Variants in CTNNA2 observed in about 807,000 individuals in gnomAD.
The protein encoded by CTNNA2 is catenin alpha-2.
CTNNA2 carries 42 observed loss-of-function variants against 101.0 expected under a neutral mutation model. The observed-to-expected ratio is 0.42, with a 90% CI of 0.32 to 0.54. CTNNA2 has a LOEUF of 0.54. Ranked by LOEUF, CTNNA2 falls within the 20% of genes least tolerant of loss-of-function variation. The pLI, the probability that CTNNA2 is intolerant of heterozygous loss-of-function variation, is 0.14. For synonymous variants in CTNNA2, 450 were observed against 456.4 expected (o/e 0.99, Z 0.18); for missense variants, 871 against 1,223.1 (o/e 0.71, Z 4.29).
At position 79,544,317 on chromosome 2, in the gene CTNNA2, C is replaced by G. The variant is rs75614338; in HGVS notation, c.-6+31110C>G. ...GTAGGTTAAGTCTAGAGAAGTCAGT[C>G]CATAATCTCTTGAGCTGAAAGACAA... is the stretch of plus-strand genomic sequence containing the variant. On this transcript the variant is annotated intron_variant, in intron 1 of 18. Coordinates refer to ENST00000402739, the MANE Select transcript of CTNNA2 (RefSeq NM_001282597.3). 1.3e-3 allele frequency among the ~76,000 whole-genome samples: 198 copies of G among 152,284 alleles called. 1 individual carries two copies. Among genetic ancestry groups the G allele is most frequent in the African/African-American group, 4.5e-3 (189 of 41,570 alleles).
chr2:80,248,037 G>A (rs575196131), intron 7 of CTNNA2, among the ~76,000 whole-genome samples: 1 of 151,062 alleles, frequency 6.6e-6, no homozygotes, highest in African/African-American at 2.4e-5. Flanking sequence ...TTTTGTGGGG[G>A]CAGGGGACTC....
intron 4 of CTNNA2, among the ~76,000 whole-genome samples, chr2:79,868,533 G>T (rs907070934): frequency 6.6e-6 from 1 of 152,212 alleles, no homozygotes; most frequent in African/African-American, 2.4e-5. Context: ...TTGTGATTGC[G>T]TCAAGCCTCA....
intron 9 of CTNNA2, among the ~76,000 whole-genome samples, chr2:80,474,706 C>A (rs1243931295): frequency 1.3e-5 from 2 of 152,062 alleles, no homozygotes; most frequent in Non-Finnish European, 2.9e-5. Context: ...GCCATGAATT[C>A]TCTGTTATTA....
At chr2:80,443,914 A>G (rs1010364836) in intron 9 of CTNNA2, among the ~76,000 whole-genome samples, 1 of 152,204 alleles carries the variant, frequency 6.6e-6, no homozygotes. Flanking sequence ...CACATCACAT[A>G]TGCATTTTTA....
chr2:80,078,483 T>C (rs532292662), intron 7 of CTNNA2, among the ~76,000 whole-genome samples: 1 of 152,270 alleles, frequency 6.6e-6, no homozygotes, highest in South Asian at 2.1e-4. Context: ...ACATGGGTCA[T>C]GTGATTAAGC....
chr2:79,459,212 T>A (rs1426568860), intron 4 of CTNNA2, among the ~76,000 whole-genome samples: 2 of 152,136 alleles, frequency 1.3e-5, no homozygotes, highest in Non-Finnish European at 2.9e-5. Context: ...ACATTCAACA[T>A]CTAAGACAAA....
chr2:80,288,619 T>C (rs557355052), intron 7 of CTNNA2: 1 of 152,194 alleles, frequency 6.6e-6, no homozygotes, highest in Non-Finnish European at 1.5e-5. Flanking sequence ...CTGGCCCAGA[T>C]TCTTCAGCCT....
At chr2:79,876,508 A>C (rs895507361) in intron 6 of CTNNA2, among the ~76,000 whole-genome samples, 5 of 152,216 alleles carry the variant, frequency 3.3e-5, no homozygotes, top group Non-Finnish European at 7.3e-5. Flanking sequence ...TTATTTTATA[A>C]TCAAAAATAA....
intron 4 of CTNNA2, among the ~76,000 whole-genome samples, chr2:79,411,800 T>G (rs929412363): frequency 2.0e-5 from 3 of 152,040 alleles, no homozygotes; most frequent in African/African-American, 7.2e-5. Context: ...CATGCCAAAA[T>G]GTAAAGACTA....
At chr2:79,468,419 C>T (rs975700466) in intron 4 of CTNNA2, among the ~76,000 whole-genome samples, 8 of 152,112 alleles carry the variant, frequency 5.3e-5, no homozygotes, top group South Asian at 4.1e-4. Context: ...GACTCCCACA[C>T]AATAATAATG....
At chr2:79,455,512 A>G (rs140560842) in intron 4 of CTNNA2, among the ~76,000 whole-genome samples, 124 of 152,130 alleles carry the variant, frequency 8.2e-4, no homozygotes, top group African/African-American at 2.6e-3. Flanking sequence ...CCTTATTTCT[A>G]TTTAGGGTTA....
chr2:79,371,212 T>A (rs1427089910), intron 3 of CTNNA2, among the ~76,000 whole-genome samples: 1 of 151,734 alleles, frequency 6.6e-6, no homozygotes, highest in Non-Finnish European at 1.5e-5. Flanking sequence ...CCACGGGGTG[T>A]TTTAAGTGGT....
rs149602048 is a variant in CTNNA2, at chr2:79,268,703, T to G, written c.-405-44006T>G. Among the ~76,000 whole-genome samples, 51 of 152,204 alleles carry G rather than the reference T, an allele frequency of 3.4e-4. No individual in the cohort carries two copies. In the East Asian group the frequency reaches 9.7e-3, roughly 29 times the overall value. On this transcript the variant is annotated intron_variant, in intron 2 of 21. Transcript: ENST00000466387. ...AGTTGAACTGTGTTGGGAGGACACC[T>G]GGCTGGTGCCTACTACAGAACTGAT... is the stretch of plus-strand genomic sequence containing the variant.
intron 7 of CTNNA2, among the ~76,000 whole-genome samples, chr2:79,939,879 C>T (rs1446466859): frequency 2.6e-5 from 4 of 152,014 alleles, no homozygotes; most frequent in African/African-American, 4.8e-5. Flanking sequence ...GATCACCTGA[C>T]GTCGGGAGTT....
intron 4 of CTNNA2, among the ~76,000 whole-genome samples, chr2:79,486,655 C>A (rs1671161333): frequency 6.6e-6 from 1 of 152,168 alleles, no homozygotes; most frequent in Admixed American, 6.5e-5. Flanking sequence ...GCCACACTGA[C>A]TTCCACAATG....
intron 7 of CTNNA2, among the ~76,000 whole-genome samples, chr2:80,024,654 G>A (rs762528774): frequency 7.2e-5 from 11 of 152,190 alleles, no homozygotes; most frequent in Non-Finnish European, 1.5e-4. Flanking sequence ...GCTCTGTGTG[G>A]GCCCCGCAGC....
intron 2 of CTNNA2, among the ~76,000 whole-genome samples, chr2:79,308,980 C>T (rs918722643): frequency 1.3e-5 from 2 of 151,914 alleles, no homozygotes; most frequent in Non-Finnish European, 1.5e-5. Context: ...TGGATCTTGC[C>T]TATCAATCTC....
At chr2:79,229,079 T>C (rs1674457302) in intron 2 of CTNNA2, among the ~76,000 whole-genome samples, 1 of 152,218 alleles carries the variant, frequency 6.6e-6, no homozygotes, top group Non-Finnish European at 1.5e-5. Flanking sequence ...CATGTGTTTA[T>C]TTCTGGGCTC....
At chr2:80,225,928 G>A (rs1308772067) in intron 7 of CTNNA2, among the ~76,000 whole-genome samples, 5 of 152,168 alleles carry the variant, frequency 3.3e-5, no homozygotes, top group African/African-American at 9.7e-5. Context: ...CAAAAATACT[G>A]ATTAGATACT....
Sources: gnomAD v4.1 joint callset for allele counts (sites outside exome capture counted in the v4.1 genomes callset) on GRCh38, gnomAD v4.1.1 for gene constraint, MANE v1.5 for transcripts, NCBI Gene and HGNC (gene_info 2026-07-23, HGNC 2026-07-21) for gene names.